The following RTN1 variants were observed in gnomAD, a reference collection of about 807,000 sequenced individuals.
RTN1 encodes reticulon 1.
RTN1 carries 25 observed loss-of-function variants against 65.5 expected under a neutral mutation model. The observed-to-expected ratio is 0.38, with a 90% CI of 0.28 to 0.53. The LOEUF is 0.53. Ranked by LOEUF, RTN1 falls within the 20% of genes least tolerant of loss-of-function variation. RTN1 has a pLI of 0.79. For synonymous variants in RTN1, 471 were observed against 447.6 expected (o/e 1.05, Z -0.66); for missense variants, 983 against 1,025.4 (o/e 0.96, Z 0.57).
At chr14:59,764,161 G>T (rs1885804219) in intron 1 of RTN1, among the ~76,000 whole-genome samples, 1 of 152,122 alleles carries the variant, frequency 6.6e-6, no homozygotes, top group Admixed American at 6.5e-5. Flanking sequence ...AGTGGTGAGG[G>T]TTATGGAGCC....
intron 3 of RTN1, 91 bp downstream of exon 3, chr14:59,726,828 C>G: frequency 8.9e-7 from 1 of 1,128,144 alleles, no homozygotes; most frequent in Non-Finnish European, 1.3e-6. Context: ...ATGGGGATGA[C>G]TCCAGGGCTG....
At chr14:59,751,362 T>G (rs1885519460) in intron 1 of RTN1, among the ~76,000 whole-genome samples, 1 of 152,058 alleles carries the variant, frequency 6.6e-6, no homozygotes, top group Non-Finnish European at 1.5e-5. Flanking sequence ...ACACACACCT[T>G]TATCCTGAAG....
intron 3 of RTN1, among the ~76,000 whole-genome samples, chr14:59,672,742 G>T (rs369141429): frequency 7.1e-6 from 1 of 140,246 alleles, no homozygotes; most frequent in Non-Finnish European, 1.5e-5. Context: ...CCGGGTTCAC[G>T]CCATTCTCCT....
At chr14:59,598,933 G>A (rs909661185) in intron 8 of RTN1, among the ~76,000 whole-genome samples, 7 of 152,082 alleles carry the variant, frequency 4.6e-5, no homozygotes, top group Non-Finnish European at 1.5e-5. Context: ...GGTCATCTTT[G>A]TGGCATTACT....
At chr14:59,838,985 T>C (rs1307594497) in intron 1 of RTN1, among the ~76,000 whole-genome samples, 6 of 152,148 alleles carry the variant, frequency 3.9e-5, no homozygotes, top group Non-Finnish European at 8.8e-5. Flanking sequence ...CTCTCCAGTA[T>C]AGTACATATT....
chr14:59,621,510 C>A (rs1223096004), intron 3 of RTN1, among the ~76,000 whole-genome samples: 1 of 152,192 alleles, frequency 6.6e-6, no homozygotes, highest in Non-Finnish European at 1.5e-5. Flanking sequence ...CAAACCACAG[C>A]TATGAGCACA....
chr14:59,624,696 A>G (rs1566664508), intron 3 of RTN1, among the ~76,000 whole-genome samples: 1 of 152,130 alleles, frequency 6.6e-6, no homozygotes, highest in South Asian at 2.1e-4. Flanking sequence ...TCCTGACCTC[A>G]GGTGGTCCAC....
At chr14:59,804,123 C>A (rs1246777578) in intron 1 of RTN1, among the ~76,000 whole-genome samples, 1 of 152,156 alleles carries the variant, frequency 6.6e-6, no homozygotes, top group Non-Finnish European at 1.5e-5. Flanking sequence ...ATCCAGGACA[C>A]CCCATTACAT....
chr14:59,806,954 G>A (rs1173217151), intron 1 of RTN1, among the ~76,000 whole-genome samples: 1 of 152,202 alleles, frequency 6.6e-6, no homozygotes, highest in East Asian at 1.9e-4. Context: ...CTCAGATTTG[G>A]CTGCGCCCTC....
chr14:59,687,271 C>G (rs1160320721), intron 3 of RTN1, among the ~76,000 whole-genome samples: 1 of 152,082 alleles, frequency 6.6e-6, no homozygotes, highest in African/African-American at 2.4e-5. Flanking sequence ...CGCCAGCAGT[C>G]TGAGCCACCC....
rs1346608252 is a variant in RTN1, at chr14:59,727,446, ATC to A, written c.1236_1237del (p.Glu412AspfsTer117). On this transcript the variant is annotated frameshift_variant, in exon 3 of 9. Transcript: ENST00000267484. LOFTEE classifies it high-confidence loss of function. The surrounding 1 kb of genome is among the most constrained non-coding windows in gnomAD (Gnocchi z 4.2). Reference sequence around the variant, plus strand: ...CATGGGGTCCTCGGACACCAGCTCGATCTCTGAGTCCCCCGACTCCGCGCTGC... The same window carrying A: ...CATGGGGTCCTCGGACACCAGCTCGATCTGAGTCCCCCGACTCCGCGCTGC... The A allele has an allele frequency of 6.4e-7, 1 of 1,557,300 alleles. No homozygotes were observed. The highest frequency in any genetic ancestry group is 1.9e-5 in the Admixed American group (1 of 51,876).
chr14:59,853,737 C>CA lies in RTN1; in HGVS notation c.241+16652dup, dbSNP rs1029318746. 1.3e-4 allele frequency among the ~76,000 whole-genome samples: 20 copies of CA among 152,146 alleles called. 1 individual carries two copies. Among genetic ancestry groups the CA allele is most frequent in the Admixed American group, 9.2e-4 (14 of 15,270 alleles). ...TGACTTAAAGTGAACTTAAAGTTAA[C>CA]AAAAAATCCCTGTTTTTTCTCTATT... On this transcript the variant is annotated intron_variant, in intron 1 of 8. Coordinates refer to ENST00000267484, the MANE Select transcript of RTN1 (RefSeq NM_021136.3).
chr14:59,781,343 G>A (rs1381870165), intron 1 of RTN1, among the ~76,000 whole-genome samples: 1 of 152,014 alleles, frequency 6.6e-6, no homozygotes, highest in African/African-American at 2.4e-5. Context: ...CAAAGTGTCA[G>A]TCATTGACTG....
intron 1 of RTN1, among the ~76,000 whole-genome samples, chr14:59,797,166 C>T (rs756208528): frequency 2.0e-5 from 3 of 152,130 alleles, no homozygotes; most frequent in Non-Finnish European, 2.9e-5. Context: ...GCAGTTTGAG[C>T]TTCTTATTCT....
chr14:59,813,790 T>G (rs1010488323), intron 1 of RTN1, among the ~76,000 whole-genome samples: 1 of 152,230 alleles, frequency 6.6e-6, no homozygotes, highest in Non-Finnish European at 1.5e-5. Flanking sequence ...ATTACTTTTT[T>G]CTCTATTTCC....
chr14:59,843,829 GT>G (rs1293460859), intron 1 of RTN1, among the ~76,000 whole-genome samples: 1 of 152,110 alleles, frequency 6.6e-6, no homozygotes, highest in Admixed American at 6.5e-5. Context: ...AATGTCATTT[GT>G]TTTCAAAGCC....
At chr14:59,837,728 T>A (rs1041820779) in intron 1 of RTN1, among the ~76,000 whole-genome samples, 1 of 150,006 alleles carries the variant, frequency 6.7e-6, no homozygotes, top group African/African-American at 2.4e-5. Context: ...TTGATAAAAA[T>A]TATTTTAATA....
intron 5 of RTN1, chr14:59,604,542 G>A (rs1881682819): frequency 6.6e-6 from 1 of 152,240 alleles, no homozygotes; most frequent in Non-Finnish European, 1.5e-5. Flanking sequence ...TAATTGCCCT[G>A]GTATCTCTCT....
intron 1 of RTN1, among the ~76,000 whole-genome samples, chr14:59,761,822 C>G (rs1006130511): frequency 2.6e-5 from 4 of 152,174 alleles, no homozygotes; most frequent in African/African-American, 9.7e-5. Context: ...GTGCCAGAGG[C>G]CTGCATCCTC....
Sources: gnomAD v4.1 joint callset for allele counts (sites outside exome capture counted in the v4.1 genomes callset) on GRCh38, gnomAD v4.1.1 for gene constraint, Gnocchi (gnomAD v3.1) non-coding constraint, MANE v1.5 for transcripts, NCBI Gene and HGNC (gene_info 2026-07-23, HGNC 2026-07-21) for gene names.